Variants in ANKRD11 observed in about 807,000 individuals in gnomAD.
ANKRD11 encodes ankyrin repeat domain 11, also known as ankyrin repeat domain-containing protein 11.
ANKRD11 carries 17 observed loss-of-function variants against 195.7 expected under a neutral mutation model. The observed-to-expected ratio is 0.09, with a 90% CI of 0.06 to 0.13. The LOEUF (loss-of-function observed/expected upper bound fraction) is 0.13, where lower values mean the gene tolerates loss of function less well. Ranked by LOEUF, ANKRD11 falls within the 10% of genes least tolerant of loss-of-function variation. The pLI is 1.00. For missense variants in ANKRD11, 3,735 were observed against 3,566.1 expected (o/e 1.05, Z -1.21); for synonymous variants, 1,953 against 1,528.1 (o/e 1.28, Z -6.49).
In ANKRD11 at chr16:89,284,421, T is replaced by C. The variant is rs2034501330; in HGVS notation, c.2121A>G (p.Glu707=). The change falls in exon 9 of 13, where the codon GAA becomes GAG. Residue 707 remains glutamate (E), a synonymous_variant. Transcript: ENST00000301030. ...EEKLSKMKLE[E]KEWLFKDEKS... is the part of the protein sequence containing the mutation. ...TTTCATCTTTAAAGAGCCATTCTTT[T>C]TCTTCTAATTTCATTTTGCTAAGTT... 6.2e-7 allele frequency: 1 copy of C among 1,613,468 alleles called. No individual in the cohort carries two copies. Among genetic ancestry groups the C allele is most frequent in the Non-Finnish European group, 8.5e-7 (1 of 1,179,942 alleles).
intron 1 of ANKRD11, among the ~76,000 whole-genome samples, chr16:89,487,333 C>T (rs2057652539): frequency 6.6e-6 from 1 of 152,220 alleles, no homozygotes; most frequent in Non-Finnish European, 1.5e-5. Flanking sequence ...ATTTTGGCAA[C>T]AAAATGCAGA....
intron 1 of ANKRD11, among the ~76,000 whole-genome samples, chr16:89,446,777 G>A (rs911155774): frequency 1.3e-5 from 2 of 152,032 alleles, no homozygotes; most frequent in Non-Finnish European, 2.9e-5. Flanking sequence ...AGCACCAAGG[G>A]GCCCTTCTCA....
intron 7 of ANKRD11, chr16:89,288,256 G>C (rs563832904): frequency 1.6e-6 from 1 of 632,452 alleles, no homozygotes; most frequent in Non-Finnish European, 2.8e-6. Context: ...TCCTTCACCT[G>C]CTCAAATCCA....
At chr16:89,459,218 C>G (rs566627593) in intron 1 of ANKRD11, 1 of 165,312 alleles carries the variant, frequency 6.0e-6, no homozygotes, top group African/African-American at 2.4e-5. Flanking sequence ...GTTTTCTGAC[C>G]ATAATAATGA....
chr16:89,439,425 C>T (rs1277245125), intron 1 of ANKRD11, among the ~76,000 whole-genome samples: 4 of 152,136 alleles, frequency 2.6e-5, no homozygotes, highest in East Asian at 1.9e-4. Context: ...AATCCTAAGT[C>T]GAACCATCAT....
intron 2 of ANKRD11, chr16:89,320,229 G>A (rs1447352960): frequency 1.3e-5 from 2 of 152,200 alleles, no homozygotes; most frequent in South Asian, 4.1e-4. Context: ...TTCTCATCAC[G>A]ATGCTGCACA....
At position 89,305,094 on chromosome 16, in the gene ANKRD11, C is replaced by T. The variant is rs886458680; in HGVS notation, c.226+112G>A. The T allele has an allele frequency of 2.1e-4, 311 of 1,495,872 alleles. 1 individual carries two copies. The African/African-American group carries it at 4.0e-3, about 19-fold the overall frequency. 92.7% of individuals were successfully genotyped at this position (1,495,872 alleles called of 1,614,324 possible). ...TCTTGCCTGGACGGCGTGCAGGGTG[C>T]TAGAGTGCGTCCCAGTGCAAAGCCG... On this transcript the variant is annotated intron_variant, in intron 4 of 12. Transcript: ENST00000301030.
At chr16:89,486,392 G>A (rs1567871651) in intron 1 of ANKRD11, among the ~76,000 whole-genome samples, 1 of 150,536 alleles carries the variant, frequency 6.6e-6, no homozygotes, top group Non-Finnish European at 1.5e-5. Flanking sequence ...AGAGAGCCAC[G>A]TTCACGCAAC....
Position 89,285,739 on chromosome 16 carries a change from G to A in ANKRD11, c.893-90C>T. 1 of 1,445,426 alleles carries A rather than the reference G, an allele frequency of 6.9e-7. No individual in the cohort carries two copies. 89.5% of individuals were successfully genotyped at this position (1,445,426 alleles called of 1,614,324 possible). A position where few individuals can be genotyped will look rare whatever the true frequency, so the allele number is the denominator to read the frequency against. ...GGAGGGAGGCTCTGCAGATGTGTCT[G>A]CGGGAAGGTTCCCACCCTGCCTCTG... On this transcript the variant is annotated intron_variant, in intron 8 of 12. Transcript: ENST00000301030. This position sits in a 1 kb window ranked among gnomAD's most constrained non-coding sequence, Gnocchi z 5.6.
At chr16:89,473,805 C>A (rs1326987991) in intron 1 of ANKRD11, among the ~76,000 whole-genome samples, 1 of 152,166 alleles carries the variant, frequency 6.6e-6, no homozygotes, top group Non-Finnish European at 1.5e-5. Flanking sequence ...CCACCTTGCC[C>A]GGAGTGCAAG....
intron 2 of ANKRD11, among the ~76,000 whole-genome samples, chr16:89,317,655 C>T (rs1439362525): frequency 1.3e-5 from 2 of 152,200 alleles, no homozygotes; most frequent in African/African-American, 4.8e-5. Flanking sequence ...GCTCCGAGGT[C>T]CCAACTCCAC....
intron 2 of ANKRD11, among the ~76,000 whole-genome samples, chr16:89,408,629 T>TGC (rs1444817366): frequency 6.6e-6 from 1 of 152,078 alleles, no homozygotes; most frequent in Non-Finnish European, 1.5e-5. Flanking sequence ...GTCCCAGCCG[T>TGC]GCCCACAGCT....
chr16:89,333,570 C>A (rs1446569287), intron 2 of ANKRD11, among the ~76,000 whole-genome samples: 1 of 152,234 alleles, frequency 6.6e-6, no homozygotes, highest in East Asian at 1.9e-4. Flanking sequence ...TTTGTGCTGT[C>A]TGCACAGTTT....
chr16:89,326,353 G>T (rs151330983), intron 2 of ANKRD11, among the ~76,000 whole-genome samples: 16 of 152,044 alleles, frequency 1.1e-4, no homozygotes, highest in Non-Finnish European at 4.4e-5. Flanking sequence ...GAGGAGGACG[G>T]TCTGCAGAAG....
chr16:89,374,363 ACACT>A (rs140382691), intron 2 of ANKRD11, among the ~76,000 whole-genome samples: 4,416 of 152,128 alleles, frequency 0.029, 144 homozygotes, highest in African/African-American at 0.074. Flanking sequence ...AATAATAATC[ACACT>A]CACCTGTTTA....
At chr16:89,411,237 G>A (rs1163295853) in intron 2 of ANKRD11, among the ~76,000 whole-genome samples, 1 of 152,224 alleles carries the variant, frequency 6.6e-6, no homozygotes, top group African/African-American at 2.4e-5. Flanking sequence ...TGCCACCACG[G>A]GGGCCCAGGG....
At chr16:89,401,914 C>A (rs184484929) in intron 2 of ANKRD11, among the ~76,000 whole-genome samples, 17 of 151,654 alleles carry the variant, frequency 1.1e-4, no homozygotes, top group Non-Finnish European at 2.2e-4. Flanking sequence ...TCCCCCAGAA[C>A]CTGGAGAGAG....
chr16:89,387,692 G>GAAAAAAA (rs920498026), intron 2 of ANKRD11, among the ~76,000 whole-genome samples: 9 of 67,506 alleles, frequency 1.3e-4, no homozygotes, highest in East Asian at 9.5e-4. Flanking sequence ...AAAAGAAAAA[G>GAAAAAAA]AAAAAAAAAA....
chr16:89,462,646 T>C (rs1179666987), intron 1 of ANKRD11, among the ~76,000 whole-genome samples: 1 of 139,140 alleles, frequency 7.2e-6, no homozygotes, highest in Non-Finnish European at 1.5e-5. Context: ...CCGGCCGCCA[T>C]CACATCTAGG....
Sources: allele counts gnomAD v4.1 joint callset (sites outside exome capture counted in the v4.1 genomes callset), GRCh38; gene constraint gnomAD v4.1.1; non-coding constraint Gnocchi (gnomAD v3.1); transcripts MANE v1.5; gene names NCBI Gene and HGNC (gene_info 2026-07-23, HGNC 2026-07-21).